GOLM2: variants seen among roughly 807,000 people sequenced by gnomAD.
GOLM2 encodes the protein golgi membrane protein 2.
In GOLM2, 26 loss-of-function variants were observed where a neutral mutation model predicts 55.9. The observed-to-expected ratio is 0.47, with a 90% CI of 0.34 to 0.65. The LOEUF (loss-of-function observed/expected upper bound fraction) is 0.65, where lower values mean the gene tolerates loss of function less well. GOLM2 is among the 30% of genes least tolerant of loss of function. The pLI, the probability that GOLM2 is intolerant of heterozygous loss-of-function variation, is 0.01. For missense variants in GOLM2, 486 were observed against 531.8 expected (o/e 0.91, Z 0.85); for synonymous variants, 165 against 194.6 (o/e 0.85, Z 1.27).
intron 6 of GOLM2, among the ~76,000 whole-genome samples, chr15:44,358,506 CA>C (rs1211311754): frequency 3.3e-5 from 5 of 151,946 alleles, no homozygotes; most frequent in Non-Finnish European, 7.4e-5. Context: ...TATTGGTCAA[CA>C]AACAGAGAAA....
chr15:44,407,997 G>A (rs147525380), intron 9 of GOLM2, among the ~76,000 whole-genome samples: 3,563 of 150,834 alleles, frequency 0.024, 85 homozygotes, highest in East Asian at 0.1. Context: ...TGATCTGCCC[G>A]CCTCAGCCTC....
intron 1 of GOLM2, among the ~76,000 whole-genome samples, chr15:44,290,592 G>A (rs1304379140): frequency 6.6e-6 from 1 of 152,172 alleles, no homozygotes; most frequent in Non-Finnish European, 1.5e-5. Flanking sequence ...TGCGCTGCAT[G>A]CTTAACTCTA....
intron 1 of GOLM2, chr15:44,308,327 T>C (rs1432628461): frequency 6.6e-6 from 1 of 152,240 alleles, no homozygotes; most frequent in Non-Finnish European, 1.5e-5. Context: ...TTTGTCCTTT[T>C]TTATCTGGCT....
chr15:44,401,592 C>G (rs1251722385), intron 8 of GOLM2, among the ~76,000 whole-genome samples: 2 of 152,004 alleles, frequency 1.3e-5, no homozygotes, highest in East Asian at 3.9e-4. Flanking sequence ...AAAATTTAGA[C>G]CTATCACAGA....
intron 6 of GOLM2, among the ~76,000 whole-genome samples, chr15:44,373,199 T>G (rs942471192): frequency 2.6e-5 from 4 of 152,256 alleles, no homozygotes; most frequent in African/African-American, 9.6e-5. Context: ...GGCTCACGCC[T>G]GTAATCCCAG....
At chr15:44,371,194 G>A (rs2079327630) in intron 6 of GOLM2, among the ~76,000 whole-genome samples, 2 of 152,156 alleles carry the variant, frequency 1.3e-5, no homozygotes, top group South Asian at 4.1e-4. Flanking sequence ...TGTCTCCTCT[G>A]CTCACAAAGA....
intron 1 of GOLM2, among the ~76,000 whole-genome samples, chr15:44,312,648 TA>T (rs1033126765): frequency 3.3e-5 from 5 of 152,048 alleles, no homozygotes; most frequent in African/African-American, 1.2e-4. Flanking sequence ...CCTCAGCATT[TA>T]AAAAATAGTT....
chr15:44,373,195 C>T (rs763073202), intron 6 of GOLM2, among the ~76,000 whole-genome samples: 2 of 152,206 alleles, frequency 1.3e-5, no homozygotes, highest in African/African-American at 4.8e-5. Context: ...CGGTGGCTCA[C>T]GCCTGTAATC....
rs117035179 is a variant in GOLM2 at position 44,413,058 on chromosome 15, C to T, written c.1241-278C>T. The stretch of plus-strand genomic sequence containing the variant: ...AAATATTAACTCCTCAATATTTGTG[C>T]GTTCCTAAAGTTTTACTAGTTATGT... On this transcript the variant is annotated intron_variant, in intron 9 of 9. Transcript: ENST00000299957. 7.3e-3 allele frequency among the ~76,000 whole-genome samples: 1,098 copies of T among 151,272 alleles called. 11 individuals carry two copies. The highest frequency in any genetic ancestry group is 0.012 in the Non-Finnish European group (827 of 67,898).
chr15:44,295,763 C>T (rs1017160199), intron 1 of GOLM2, among the ~76,000 whole-genome samples: 2 of 152,046 alleles, frequency 1.3e-5, no homozygotes, highest in African/African-American at 4.8e-5. Context: ...TAAAAGGATA[C>T]GAGTCATATT....
Position 44,380,831 on chromosome 15 carries a change from C to T in GOLM2, c.927C>T (p.Asn309=), listed in dbSNP as rs774834522. 2 of 1,572,176 alleles carry T rather than the reference C, an allele frequency of 1.3e-6. No homozygotes were observed. Among genetic ancestry groups the T allele is most frequent in the Non-Finnish European group, 8.6e-7 (1 of 1,159,434 alleles). The change falls in exon 8 of 10, where the codon AAC becomes AAT. Residue 309 remains asparagine (N), a synonymous_variant. Coordinates refer to ENST00000299957, the MANE Select transcript of GOLM2 (RefSeq NM_138423.4). ...PPDSHINHNG[N]PGTSKQNPSS... Reference sequence around the variant, plus strand: ...ATTCACACATAAACCACAATGGAAACCCCGGTACTTCAAAACAGAATCCTT... The same window carrying T: ...ATTCACACATAAACCACAATGGAAATCCCGGTACTTCAAAACAGAATCCTT...
Position 44,289,393 on chromosome 15 carries a change from T to C in GOLM2, c.327+37T>C, listed in dbSNP as rs1487874424. On this transcript the variant is annotated intron_variant, in intron 1 of 9. Transcript: ENST00000299957. The surrounding 1 kb of genome is among the most constrained non-coding windows in gnomAD (Gnocchi z 4.8). Reference sequence around the variant, plus strand: ...CCTTTTCTCTTCAAACCCCATGGTTTCTTTTCTCCCCGGGGTCTGGGGCGG... The same window carrying C: ...CCTTTTCTCTTCAAACCCCATGGTTCCTTTTCTCCCCGGGGTCTGGGGCGG... The C allele has an allele frequency of 6.4e-7, 1 of 1,552,192 alleles. No homozygotes were observed. The highest frequency in any genetic ancestry group is 1.4e-5 in the African/African-American group (1 of 73,240).
At chr15:44,366,316 AAAAC>A (rs1017903200) in intron 6 of GOLM2, among the ~76,000 whole-genome samples, 1 of 150,498 alleles carries the variant, frequency 6.6e-6, no homozygotes, top group Non-Finnish European at 1.5e-5. Flanking sequence ...AAAAAAAAAC[AAAAC>A]AAACAAACCA....
intron 9 of GOLM2, among the ~76,000 whole-genome samples, chr15:44,405,624 T>A (rs550641459): frequency 9.0e-4 from 137 of 152,102 alleles, no homozygotes; most frequent in Non-Finnish European, 1.8e-3. Flanking sequence ...TGTGTTTTTT[T>A]GCTTTTTTTT....
Position 44,413,644 on chromosome 15 carries a change from T to A in GOLM2, c.*238T>A. ...ATACAGTTAAGCCAAAAACAGCTAA[T>A]CTTTGCATCTAAAGCAAACTAATGT... On this transcript the variant is annotated 3_prime_UTR_variant, in exon 10 of 10. Transcript: ENST00000299957. 2.5e-6 allele frequency: 1 copy of A among 408,134 alleles called. No homozygotes were observed. The highest frequency in any genetic ancestry group is 4.4e-6 in the Non-Finnish European group (1 of 225,752). 25.3% of individuals were successfully genotyped at this position (408,134 alleles called of 1,614,324 possible). A position where few individuals can be genotyped will look rare whatever the true frequency, so the allele number is the denominator to read the frequency against.
intron 6 of GOLM2, among the ~76,000 whole-genome samples, chr15:44,369,338 C>T (rs2079313784): frequency 6.7e-6 from 1 of 150,146 alleles, no homozygotes; most frequent in Non-Finnish European, 1.5e-5. Flanking sequence ...CCTCCCCTGA[C>T]CAAACTATCT....
At chr15:44,326,305 A>C (rs1477583150) in intron 2 of GOLM2, among the ~76,000 whole-genome samples, 1 of 151,544 alleles carries the variant, frequency 6.6e-6, no homozygotes, top group Non-Finnish European at 1.5e-5. Flanking sequence ...ATGTGGCTTG[A>C]ATATGCAAAG....
chr15:44,364,178 A>C (rs2079265940), intron 6 of GOLM2, among the ~76,000 whole-genome samples: 1 of 152,108 alleles, frequency 6.6e-6, no homozygotes, highest in South Asian at 2.1e-4. Flanking sequence ...ATGTACCCTA[A>C]AACTTAAAAG....
chr15:44,399,863 T>C (rs1595667728), intron 8 of GOLM2, among the ~76,000 whole-genome samples: 1 of 151,790 alleles, frequency 6.6e-6, no homozygotes, highest in East Asian at 1.9e-4. Context: ...GGCATGGTGG[T>C]AGGCGCCTGT....
Sources: allele counts gnomAD v4.1 joint callset (sites outside exome capture counted in the v4.1 genomes callset), GRCh38; gene constraint gnomAD v4.1.1; non-coding constraint Gnocchi (gnomAD v3.1); transcripts MANE v1.5; gene names NCBI Gene and HGNC (gene_info 2026-07-23, HGNC 2026-07-21).